ANO3: variants seen among roughly 807,000 people sequenced by gnomAD.
ANO3 encodes the protein anoctamin-3.
Under a neutral mutation model 144.8 loss-of-function variants are expected in ANO3, and 99 were observed. The observed-to-expected ratio is 0.68, with a 90% CI of 0.58 to 0.81. ANO3 has a LOEUF of 0.81. Ranked by LOEUF, ANO3 falls within the 30% of genes least tolerant of loss-of-function variation. The pLI is 0.00. For synonymous variants in ANO3, 414 were observed against 392.6 expected, an observed-to-expected ratio of 1.05 and a Z score of -0.64; for missense variants, 905 against 1,202.2, an observed-to-expected ratio of 0.75 and a Z score of 3.66.
chr11:26,199,495 T>G (rs1221696638), intron 1 of ANO3, among the ~76,000 whole-genome samples: 11 of 152,180 alleles, frequency 7.2e-5, no homozygotes, highest in Non-Finnish European at 1.6e-4. Context: ...TGTGATTTCA[T>G]GCAGGGATGG....
chr11:26,236,817 CA>C (rs55979503), intron 1 of ANO3, among the ~76,000 whole-genome samples: 480 of 86,672 alleles, frequency 5.5e-3, no homozygotes, highest in Middle Eastern at 0.014. Context: ...GACTCCGTCT[CA>C]AAAAAAAAAA....
chr11:26,207,080 G>A (rs1447379830), intron 1 of ANO3, among the ~76,000 whole-genome samples: 4 of 152,132 alleles, frequency 2.6e-5, no homozygotes, highest in South Asian at 2.1e-4. Flanking sequence ...CAAAGGATAC[G>A]AAGTTTCAGT....
At chr11:26,337,211 C>T (rs747652116) in intron 1 of ANO3, among the ~76,000 whole-genome samples, 20 of 152,126 alleles carry the variant, frequency 1.3e-4, no homozygotes, top group Non-Finnish European at 2.5e-4. Flanking sequence ...TGCATATATA[C>T]CTCAGATGGC....
chr11:26,465,940 A>G (rs1859587433), intron 4 of ANO3, among the ~76,000 whole-genome samples: 1 of 152,012 alleles, frequency 6.6e-6, no homozygotes, highest in Non-Finnish European at 1.5e-5. Context: ...AGAACAATGC[A>G]TTGTATCTTT....
At chr11:26,636,323 G>C (rs1009917616) in intron 20 of ANO3, among the ~76,000 whole-genome samples, 1 of 152,180 alleles carries the variant, frequency 6.6e-6, no homozygotes, top group Non-Finnish European at 1.5e-5. Context: ...AATTTAAAAA[G>C]TGCTATGGTT....
At chr11:26,208,512 C>CAAAAAAAAAAAAAAAAAAAAAAAAAAA (rs67196052) in intron 1 of ANO3, among the ~76,000 whole-genome samples, 8 of 121,740 alleles carry the variant, frequency 6.6e-5, no homozygotes, top group African/African-American at 2.8e-4. Context: ...GACTCCGTCT[C>CAAAAAAAAAAAAAAAAAAAAAAAAAAA]AAAAAAAAAA....
At chr11:26,435,473 G>A (rs1202046669) in intron 1 of ANO3, among the ~76,000 whole-genome samples, 1 of 152,132 alleles carries the variant, frequency 6.6e-6, no homozygotes, top group Non-Finnish European at 1.5e-5. Context: ...AGCAAGGTTG[G>A]GGAGATTTTC....
chr11:26,495,009 T>C (rs1384274877), intron 4 of ANO3, among the ~76,000 whole-genome samples: 2 of 152,144 alleles, frequency 1.3e-5, no homozygotes. Context: ...TGGAAATAGC[T>C]GGAGCCATAA....
intron 1 of ANO3, among the ~76,000 whole-genome samples, chr11:26,285,092 G>T (rs890892492): frequency 6.7e-6 from 1 of 149,474 alleles, no homozygotes; most frequent in Non-Finnish European, 1.5e-5. Flanking sequence ...TATTTACTGT[G>T]TACAATTTTT....
At chr11:26,458,415 A>T (rs1006707175) in intron 3 of ANO3, among the ~76,000 whole-genome samples, 4 of 152,154 alleles carry the variant, frequency 2.6e-5, no homozygotes, top group African/African-American at 9.7e-5. Context: ...AATATCTGTG[A>T]GGGAGAGAGG....
intron 3 of ANO3, among the ~76,000 whole-genome samples, chr11:26,458,334 C>T (rs762923870): frequency 1.3e-5 from 2 of 152,142 alleles, no homozygotes; most frequent in Admixed American, 6.5e-5. Flanking sequence ...TGTTGACTGA[C>T]GCTAATACTA....
At chr11:26,521,465 T>G (rs1297652257) in intron 6 of ANO3, among the ~76,000 whole-genome samples, 1 of 152,144 alleles carries the variant, frequency 6.6e-6, no homozygotes, top group African/African-American at 2.4e-5. Context: ...TTATCTAAAT[T>G]TTCTGCTTGG....
chr11:26,207,416 G>A (rs1428325929), intron 1 of ANO3, among the ~76,000 whole-genome samples: 6 of 152,080 alleles, frequency 3.9e-5, no homozygotes, highest in East Asian at 1.9e-4. Context: ...GTTAAGATAC[G>A]GGTTTGCATT....
At chr11:26,601,554 T>C (rs1278504911) in intron 17 of ANO3, among the ~76,000 whole-genome samples, 1 of 152,152 alleles carries the variant, frequency 6.6e-6, no homozygotes, top group Non-Finnish European at 1.5e-5. Flanking sequence ...AAAAATACAC[T>C]TTTAGAAGTA....
intron 1 of ANO3, among the ~76,000 whole-genome samples, chr11:26,277,178 C>G (rs1853576909): frequency 6.6e-6 from 1 of 151,940 alleles, no homozygotes; most frequent in South Asian, 2.1e-4. Context: ...TTCTTAGTAA[C>G]TATTTTTGAT....
intron 1 of ANO3, among the ~76,000 whole-genome samples, chr11:26,233,486 T>G (rs1852448048): frequency 6.6e-6 from 1 of 152,188 alleles, no homozygotes; most frequent in Non-Finnish European, 1.5e-5. Context: ...GCTTTTACAC[T>G]GTTGATGTGA....
intron 7 of ANO3, among the ~76,000 whole-genome samples, chr11:26,526,033 AG>A (rs1409122523): frequency 2.0e-5 from 3 of 152,088 alleles, no homozygotes; most frequent in Admixed American, 1.3e-4. Context: ...AACCTGACAA[AG>A]ACCTTCTGTA....
chr11:26,569,613 C>T (rs1850740022), intron 14 of ANO3, among the ~76,000 whole-genome samples: 2 of 152,026 alleles, frequency 1.3e-5, no homozygotes, highest in African/African-American at 4.8e-5. Flanking sequence ...CTGAACAAAG[C>T]ACATTGCAAG....
intron 3 of ANO3, among the ~76,000 whole-genome samples, chr11:26,445,944 G>C (rs1431342016): frequency 6.6e-6 from 1 of 151,982 alleles, no homozygotes; most frequent in African/African-American, 2.4e-5. Flanking sequence ...CGATTCTCCT[G>C]CCTCAGCCTC....
Sources: gnomAD v4.1 joint callset for allele counts (sites outside exome capture counted in the v4.1 genomes callset) on GRCh38, gnomAD v4.1.1 for gene constraint, MANE v1.5 for transcripts, NCBI Gene and HGNC (gene_info 2026-07-23, HGNC 2026-07-21) for gene names.